Variants in HMCN1 observed in about 807,000 individuals in gnomAD.
HMCN1 encodes hemicentin 1, also known as hemicentin-1.
A neutral mutation model predicts 625.9 loss-of-function variants in HMCN1; 321 were observed. The observed-to-expected ratio is 0.51, with a 90% CI of 0.47 to 0.56. The LOEUF (loss-of-function observed/expected upper bound fraction) is 0.56, where lower values mean the gene tolerates loss of function less well. HMCN1 is among the 20% of genes least tolerant of loss of function. The pLI is 0.00. For synonymous variants in HMCN1, 2,425 were observed against 2,417.6 expected (o/e 1.00, Z -0.09); for missense variants, 6,588 against 6,887.3 (o/e 0.96, Z 1.54).
At chr1:185,866,749 A>G (rs1014383079) in intron 4 of HMCN1, among the ~76,000 whole-genome samples, 3 of 151,544 alleles carry the variant, frequency 2.0e-5, no homozygotes, top group Non-Finnish European at 2.9e-5. Context: ...CCTTGGCCTC[A>G]CTCATAATGA....
chr1:185,920,823 A>G (rs1289555090), intron 6 of HMCN1, among the ~76,000 whole-genome samples: 1 of 152,154 alleles, frequency 6.6e-6, no homozygotes, highest in Non-Finnish European at 1.5e-5. Context: ...TAACCTCAAC[A>G]GCTGTTTCAT....
intron 105 of HMCN1, among the ~76,000 whole-genome samples, chr1:186,184,077 C>A (rs144020545): frequency 2.0e-5 from 3 of 152,052 alleles, no homozygotes; most frequent in Non-Finnish European, 4.4e-5. Flanking sequence ...TTTTTAATTG[C>A]CTTTGTCACT....
At position 186,151,729 on chromosome 1, in the gene HMCN1, T is replaced by G. The variant is rs1650676394; in HGVS notation, c.14882T>G (p.Val4961Gly). The change falls in exon 95 of 107, where the codon GTG becomes GGG. Residue 4961 changes from valine (V) to glycine (G), a missense_variant. Transcript: ENST00000271588. ...GCAGTCTTCAAAAGAGAAACTCAAGTGGAATTTGCAACTGGTTAGTGTCAG... is the reference window on the plus strand; with the variant it reads ...GCAGTCTTCAAAAGAGAAACTCAAGGGGAATTTGCAACTGGTTAGTGTCAG... ...TNAVFKRETQ[V>G]EFATGEILQM... 1 of 1,613,564 alleles carries G rather than the reference T, an allele frequency of 6.2e-7. No homozygotes were observed. The highest frequency in any genetic ancestry group is 8.5e-7 in the Non-Finnish European group (1 of 1,179,710).
chr1:185,793,947 AG>A lies in HMCN1; in HGVS notation c.269-52077del, dbSNP rs1459018521. ...TTTACTAAGAACTATCAGAAAGTTG[AG>A]GCATTAACTGGATTTAGATATGTTA... is the stretch of plus-strand genomic sequence containing the variant. On this transcript the variant is annotated intron_variant, in intron 1 of 106. Transcript: ENST00000271588. Among the ~76,000 whole-genome samples, 3 of 152,336 alleles carry A rather than the reference AG, an allele frequency of 2.0e-5. No individual in the cohort carries two copies. In the East Asian group the frequency reaches 5.8e-4, roughly 29 times the overall value.
intron 1 of HMCN1, among the ~76,000 whole-genome samples, chr1:185,738,502 T>C (rs1370731983): frequency 1.3e-5 from 2 of 152,236 alleles, no homozygotes; most frequent in Non-Finnish European, 2.9e-5. Flanking sequence ...TCATTCCTCT[T>C]TTTATGGCCA....
intron 4 of HMCN1, among the ~76,000 whole-genome samples, chr1:185,874,053 T>A (rs114127759): frequency 6.6e-6 from 1 of 152,004 alleles, no homozygotes; most frequent in Non-Finnish European, 1.5e-5. Flanking sequence ...TTAAAGATAA[T>A]TTAAACCTTT....
Position 185,923,381 on chromosome 1 carries a change from C to T in HMCN1, c.1022-9C>T. ...TCTTGTAAATGATAACAAAATCTTT[C>T]TCTTGTAGGAATACCTACCTATGTA... On this transcript the variant is annotated splice_polypyrimidine_tract_variant and intron_variant, in intron 7 of 106. Transcript: ENST00000271588. 1 of 1,599,612 alleles carries T rather than the reference C, an allele frequency of 6.3e-7. No individual in the cohort carries two copies. The highest frequency in any genetic ancestry group is 8.6e-7 in the Non-Finnish European group (1 of 1,168,896).
rs76158240 is a variant in HMCN1, at chr1:185,742,101, A to G, written c.268+7054A>G. ...AAAAGTAAAAAGAACATCCAGTTTGAAACAGAATACTTGTGTTCTTTTTCT... is the reference window on the plus strand; with the variant it reads ...AAAAGTAAAAAGAACATCCAGTTTGGAACAGAATACTTGTGTTCTTTTTCT... On this transcript the variant is annotated intron_variant, in intron 1 of 106. Coordinates refer to ENST00000271588, the MANE Select transcript of HMCN1 (RefSeq NM_031935.3). 8.3e-3 allele frequency among the ~76,000 whole-genome samples: 1,258 copies of G among 152,334 alleles called. 12 individuals are homozygous for G. Among genetic ancestry groups the G allele is most frequent in the Middle Eastern group, 0.027 (8 of 294 alleles).
rs549838420 is a variant in HMCN1 at position 185,892,205 on chromosome 1, C to T, written c.622-17132C>T. Among the ~76,000 whole-genome samples, 4 of 149,142 alleles carry T rather than the reference C, an allele frequency of 2.7e-5. No individual in the cohort carries two copies. In the South Asian group the frequency reaches 8.3e-4, roughly 31 times the overall value. On this transcript the variant is annotated intron_variant, in intron 4 of 106. Transcript: ENST00000271588. ...CTCTGTATTGGTTATTCTAGTTATA[C>T]ATTCTTCTAAATTTTTTTTAAAGTT...
chr1:185,778,095 A>G (rs1186189212), intron 1 of HMCN1, among the ~76,000 whole-genome samples: 1 of 152,204 alleles, frequency 6.6e-6, no homozygotes, highest in Non-Finnish European at 1.5e-5. Flanking sequence ...TCCAGAGTCA[A>G]GATGAACTCC....
chr1:186,145,992 A>T, intron 93 of HMCN1, 69 bp downstream of exon 93: 1 of 1,518,052 alleles, frequency 6.6e-7, no homozygotes, highest in Non-Finnish European at 9.1e-7. Flanking sequence ...AGGTGCCACA[A>T]ATTACAAAAC....
Position 185,980,977 on chromosome 1 carries a change from G to C in HMCN1, c.2567-1G>C. ...ATGAGTAAATGAGTTCTTCCTTTTAGACTTATGGGCAAGTGATAAAGGAAC... is the reference window on the plus strand; with the variant it reads ...ATGAGTAAATGAGTTCTTCCTTTTACACTTATGGGCAAGTGATAAAGGAAC... On this transcript the variant is annotated splice_acceptor_variant, in intron 16 of 106. Transcript: ENST00000271588. LOFTEE classifies it high-confidence loss of function. 1 of 1,577,634 alleles carries C rather than the reference G, an allele frequency of 6.3e-7. No homozygotes were observed. The highest frequency in any genetic ancestry group is 8.7e-7 in the Non-Finnish European group (1 of 1,146,942).
At chr1:186,084,478 T>C (rs1309539467) in intron 57 of HMCN1, among the ~76,000 whole-genome samples, 1 of 152,120 alleles carries the variant, frequency 6.6e-6, no homozygotes, top group Admixed American at 6.6e-5. Context: ...ATTACTTAAA[T>C]GTTGGAAAAT....
chr1:185,930,907 TACACACACACACACACACACAC>T (rs3030426), intron 10 of HMCN1, among the ~76,000 whole-genome samples: 1 of 138,954 alleles, frequency 7.2e-6, no homozygotes, highest in African/African-American at 2.6e-5. Context: ...TTTCACCCAA[TACACACACACACACACACACAC>T]ACACACACAC....
chr1:186,020,661 T>C (rs975142153), intron 35 of HMCN1, among the ~76,000 whole-genome samples: 1 of 152,086 alleles, frequency 6.6e-6, no homozygotes, highest in African/African-American at 2.4e-5. Context: ...AGCAAAGCCT[T>C]CTAGAATGAG....
At chr1:186,015,115 G>T (rs1373104349) in intron 30 of HMCN1, 44 bp from the exon 31 acceptor site, 16 of 1,553,804 alleles carry the variant, frequency 1.0e-5, no homozygotes, top group Non-Finnish European at 1.3e-5. Flanking sequence ...TGATGAAGAT[G>T]CTGAAACTTA....
intron 86 of HMCN1, among the ~76,000 whole-genome samples, chr1:186,132,805 C>A (rs527855098): frequency 4.6e-5 from 7 of 152,164 alleles, no homozygotes; most frequent in Non-Finnish European, 7.4e-5. Context: ...CCCCACCCCC[C>A]ACAACAGGCC....
chr1:186,185,509 C>T (rs576023045), intron 105 of HMCN1, among the ~76,000 whole-genome samples: 1 of 152,292 alleles, frequency 6.6e-6, no homozygotes, highest in Admixed American at 6.5e-5. Context: ...TGTTTCATTC[C>T]TGTAGGAAAG....
rs138225777 is a variant in HMCN1, at chr1:185,948,202, C to A, written c.1829-14316C>A. Among the ~76,000 whole-genome samples, 30 of 152,090 alleles carry A rather than the reference C, an allele frequency of 2.0e-4. 1 individual carries two copies. The highest frequency in any genetic ancestry group is 7.0e-4 in the African/African-American group (29 of 41,414). ...AGAAATTAGTTCCCTTAATTAAATT[C>A]GAATGTTCTTTCAGTTTCTCATGTA... On this transcript the variant is annotated intron_variant, in intron 11 of 106. Transcript: ENST00000271588.
Sources: gnomAD v4.1 joint callset for allele counts (sites outside exome capture counted in the v4.1 genomes callset) on GRCh38, gnomAD v4.1.1 for gene constraint, MANE v1.5 for transcripts, NCBI Gene and HGNC (gene_info 2026-07-23, HGNC 2026-07-21) for gene names.